WFDC5: variants seen among roughly 807,000 people sequenced by gnomAD.
The protein encoded by WFDC5 is WAP four-disulfide core domain protein 5.
Under a neutral mutation model 15.7 loss-of-function variants are expected in WFDC5, and 15 were observed. That is an observed-to-expected ratio of 0.96 (90% CI 0.64 to 1.47). The LOEUF is 1.47. Ranked by LOEUF, WFDC5 falls within the 40% of genes most tolerant of loss-of-function variation. The pLI is 0.00. For synonymous variants in WFDC5, 109 were observed against 107.7 expected (o/e 1.01, Z -0.07); for missense variants, 280 against 258.0 (o/e 1.09, Z -0.59).
chr20:45,109,915 G>C, exon 4 of WFDC5: 1 of 1,534,680 alleles, frequency 6.5e-7, no homozygotes, highest in Non-Finnish European at 9.0e-7. Flanking sequence ...GGTAGAGATA[G>C]TGCTGTCCAG....
chr20:45,109,790 C>A (rs956593088), exon 4 of WFDC5: 1 of 731,686 alleles, frequency 1.4e-6, no homozygotes, highest in Admixed American at 2.0e-5. Flanking sequence ...GATACAGAGG[C>A]CTTCCTCCGA....
chr20:45,109,767 A>G, exon 4 of WFDC5: 1 of 720,464 alleles, frequency 1.4e-6, no homozygotes, highest in South Asian at 1.5e-5. Flanking sequence ...GCAGTGGTGC[A>G]GAGTACTGGG....
At chr20:45,111,752 G>T (rs549033870) in intron 1 of WFDC5, among the ~76,000 whole-genome samples, 10 of 152,134 alleles carry the variant, frequency 6.6e-5, no homozygotes, top group Non-Finnish European at 1.2e-4. Flanking sequence ...CCATGTAGAG[G>T]AGGAAATCAA....
Position 45,110,021 on chromosome 20 carries a change from G to A in WFDC5, c.394-8C>T, listed in dbSNP as rs750974838. The stretch of plus-strand genomic sequence containing the variant: ...TCCTAAATCAGAATTAGCCTGAGGA[G>A]GGAGAAAGAAAGGGTTAATTCCTTC... On this transcript the variant is annotated splice_region_variant and splice_polypyrimidine_tract_variant and intron_variant, in intron 3 of 3. Coordinates refer to ENST00000307971, the Ensembl canonical transcript of WFDC5. 11 of 1,611,314 alleles carry A rather than the reference G, an allele frequency of 6.8e-6. No homozygotes were observed. The highest frequency in any genetic ancestry group is 9.3e-6 in the Non-Finnish European group (11 of 1,177,636).
intron 3 of WFDC5, 95 bp downstream of exon 3, chr20:45,110,305 G>A (rs1281984353): frequency 6.6e-7 from 1 of 1,523,346 alleles, no homozygotes; most frequent in Admixed American, 2.0e-5. Flanking sequence ...CCTGACTTCT[G>A]GGGAGGCATC....
At chr20:45,112,717 GAC>G (rs1202919562) in intron 1 of WFDC5, among the ~76,000 whole-genome samples, 1 of 152,172 alleles carries the variant, frequency 6.6e-6, no homozygotes, top group African/African-American at 2.4e-5. Context: ...TTTAGATCTA[GAC>G]ACACAATTAG....
rs150395884 is a variant in WFDC5, at chr20:45,111,366, T to A, written c.86-591A>T. On this transcript the variant is annotated intron_variant, in intron 1 of 3. Coordinates refer to ENST00000307971, the Ensembl canonical transcript of WFDC5. Reference sequence around the variant, plus strand: ...CATCTGTTTGTCTGTGTCTCTCACTTGGCTGGAGGTGAGGAGAGTAGACAC... The same window carrying A: ...CATCTGTTTGTCTGTGTCTCTCACTAGGCTGGAGGTGAGGAGAGTAGACAC... Among the ~76,000 whole-genome samples the A allele has an allele frequency of 3.5e-3, 520 of 150,606 alleles. 3 individuals carry two copies. The highest frequency in any genetic ancestry group is 0.012 in the African/African-American group (491 of 41,020).
chr20:45,109,825 CAGG>C, exon 4 of WFDC5: 1 of 855,030 alleles, frequency 1.2e-6, no homozygotes, highest in Non-Finnish European at 2.0e-6. Flanking sequence ...CTTTGACTCC[CAGG>C]AGGAGAAACC....
At chr20:45,110,037 T>G in intron 3 of WFDC5, 24 bp from the exon 4 acceptor site, 1 of 1,608,592 alleles carries the variant, frequency 6.2e-7, no homozygotes, top group South Asian at 1.1e-5. Context: ...AAGAAAGGGT[T>G]AATTCCTTCC....
chr20:45,112,462 G>A (rs1981647874), intron 1 of WFDC5, among the ~76,000 whole-genome samples: 1 of 152,166 alleles, frequency 6.6e-6, no homozygotes, highest in African/African-American at 2.4e-5. Context: ...CGTGTGCAGA[G>A]CCGGCGTGAG....
intron 1 of WFDC5, among the ~76,000 whole-genome samples, chr20:45,111,391 C>T (rs1229049543): frequency 6.6e-6 from 1 of 151,470 alleles, no homozygotes; most frequent in East Asian, 1.9e-4. Context: ...AGAGTAGACA[C>T]CCTGCCAGCT....
chr20:45,111,996 AG>A (rs1286845359), intron 1 of WFDC5, among the ~76,000 whole-genome samples: 1 of 152,168 alleles, frequency 6.6e-6, no homozygotes, highest in Non-Finnish European at 1.5e-5. Context: ...CCTCCCCCTC[AG>A]CCCCCTGCCT....
chr20:45,110,333 A>G (rs753370652), intron 3 of WFDC5, 67 bp downstream of exon 3: 7 of 1,541,036 alleles, frequency 4.5e-6, no homozygotes, highest in Middle Eastern at 2.1e-4. Context: ...GCTTGTAGCA[A>G]TGAAGAAAGT....
chr20:45,110,370 G>T, intron 3 of WFDC5, 30 bp downstream of exon 3: 1 of 1,574,230 alleles, frequency 6.4e-7, no homozygotes, highest in East Asian at 2.3e-5. Flanking sequence ...GAGAGGGGAG[G>T]CACCTGCCCT....
chr20:45,109,796 T>C, exon 4 of WFDC5: 2 of 744,548 alleles, frequency 2.7e-6, no homozygotes, highest in Admixed American at 2.0e-5. Flanking sequence ...GAGGCCTTCC[T>C]CCGAGCTCAG....
At chr20:45,111,596 C>T (rs544516533) in intron 1 of WFDC5, among the ~76,000 whole-genome samples, 78 of 152,306 alleles carry the variant, frequency 5.1e-4, no homozygotes, top group Non-Finnish European at 7.8e-4. Context: ...GGCATGGTTT[C>T]GAGGATCAGG....
upstream of WFDC5, among the ~76,000 whole-genome samples, chr20:45,115,337 G>T (rs778937562): frequency 6.6e-6 from 1 of 152,284 alleles, no homozygotes; most frequent in South Asian, 2.1e-4. Flanking sequence ...GGTGACTTGG[G>T]CTGTGATCTT....
chr20:45,110,604 A>T (rs1266701172), intron 2 of WFDC5, 31 bp downstream of exon 2: 2 of 1,614,024 alleles, frequency 1.2e-6, no homozygotes, highest in South Asian at 1.1e-5. Flanking sequence ...TGGGGCTTGG[A>T]TGGTCAGCAA....
chr20:45,111,196 G>A (rs1490134296), intron 1 of WFDC5, among the ~76,000 whole-genome samples: 2 of 152,050 alleles, frequency 1.3e-5, no homozygotes, highest in Non-Finnish European at 2.9e-5. Context: ...TACTCCATGC[G>A]CCTGGTCAGC....
Sources: gnomAD v4.1 joint callset for allele counts (sites outside exome capture counted in the v4.1 genomes callset) on GRCh38, gnomAD v4.1.1 for gene constraint, MANE v1.5 for transcripts, NCBI Gene and HGNC (gene_info 2026-07-23, HGNC 2026-07-21) for gene names.